Variants in RANBP17 observed in about 807,000 individuals in gnomAD.
The protein encoded by RANBP17 is RAN binding protein 17.
A neutral mutation model predicts 141.2 loss-of-function variants in RANBP17; 158 were observed. The observed-to-expected ratio is 1.12, with a 90% CI of 0.98 to 1.28. The LOEUF (loss-of-function observed/expected upper bound fraction) is 1.28, where lower values mean the gene tolerates loss of function less well. RANBP17 is among the 50% of genes most tolerant of loss of function. The pLI, the probability that RANBP17 is intolerant of heterozygous loss-of-function variation, is 0.00. For synonymous variants in RANBP17, 430 were observed against 450.0 expected, an observed-to-expected ratio of 0.96 and a Z score of 0.56; for missense variants, 1,438 against 1,290.7, an observed-to-expected ratio of 1.11 and a Z score of -1.75.
At chr5:171,103,649 G>GA (rs933092410) in intron 14 of RANBP17, among the ~76,000 whole-genome samples, 61 of 149,046 alleles carry the variant, frequency 4.1e-4, no homozygotes, top group Middle Eastern at 3.4e-3. Flanking sequence ...AGTGGGGTAT[G>GA]AAAAAAAAAA....
rs138213679 is a variant in RANBP17, at chr5:171,295,998, G to A, written c.3154G>A (p.Val1052Ile). 128 of 1,613,380 alleles carry A rather than the reference G, an allele frequency of 7.9e-5. 1 individual carries two copies. The highest frequency in any genetic ancestry group is 4.2e-4 in the Admixed American group (25 of 59,984). Residue 1052 changes from valine (V) to isoleucine (I), a missense_variant, in exon 27 of 28, where the codon GTC becomes ATC. Coordinates refer to ENST00000523189, the MANE Select transcript of RANBP17 (RefSeq NM_022897.5). ...LMEGVEQNLS[V>I]KNRDRFTQNL... ...GGAAGGAGTGGAGCAGAACCTGTCC[G>A]TCAAGAACAGAGACAGGTGAGCATT...
In RANBP17 at chr5:171,177,024, T is replaced by C. The variant is rs1461078555; in HGVS notation, c.1865+5738T>C. 2.6e-5 allele frequency among the ~76,000 whole-genome samples: 4 copies of C among 152,214 alleles called. No homozygotes were observed. In the South Asian group the frequency reaches 8.3e-4, roughly 31 times the overall value. On this transcript the variant is annotated intron_variant, in intron 16 of 27. Transcript: ENST00000523189. The stretch of plus-strand genomic sequence containing the variant: ...CTGCTTTTGTGAAACAGTATTAAAA[T>C]GCATTGCTTTATTTTACTGAATACC...
chr5:171,186,429 C>A (rs112558741), intron 18 of RANBP17, among the ~76,000 whole-genome samples: 1 of 151,340 alleles, frequency 6.6e-6, no homozygotes, highest in Admixed American at 6.6e-5. Flanking sequence ...AACTTTTCTT[C>A]TGCAACTTCC....
At chr5:171,183,252 A>C (rs1760987759) in intron 17 of RANBP17, 22 bp downstream of exon 17, 2 of 1,588,124 alleles carry the variant, frequency 1.3e-6, no homozygotes, top group Non-Finnish European at 1.7e-6. Context: ...TTCTTTAATT[A>C]ATGAATAACA....
Position 170,926,434 on chromosome 5 carries a change from T to C in RANBP17, c.1468+1884T>C, listed in dbSNP as rs141773577. ...TTAGTATTATTTCATGTTTATTGAT[T>C]GTTGTATCATCATCAGTGAAATGTA... On this transcript the variant is annotated intron_variant, in intron 12 of 27. Transcript: ENST00000523189. 5.0e-3 allele frequency among the ~76,000 whole-genome samples: 729 copies of C among 146,910 alleles called. 6 individuals are homozygous for C. The highest frequency in any genetic ancestry group is 0.017 in the African/African-American group (703 of 40,802).
At chr5:170,953,833 G>A (rs1775397867) in intron 13 of RANBP17, 131 bp downstream of exon 13, 2 of 611,092 alleles carry the variant, frequency 3.3e-6, no homozygotes, top group Non-Finnish European at 5.7e-6. Context: ...CTTTTTATTG[G>A]TGAGAAAACC....
intron 18 of RANBP17, 57 bp downstream of exon 18, chr5:171,183,487 T>C: frequency 8.4e-7 from 1 of 1,188,712 alleles, no homozygotes; most frequent in Admixed American, 1.8e-5. Context: ...CTTGTGTGAA[T>C]AAAGAAGTGG....
intron 25 of RANBP17, chr5:171,271,754 G>A (rs115977719): frequency 1.1e-4 from 23 of 214,882 alleles, no homozygotes; most frequent in Middle Eastern, 1.5e-3. Flanking sequence ...AGGAAGCCAG[G>A]GATATGTCAT....
At chr5:171,052,641 T>C (rs1783030195) in intron 14 of RANBP17, among the ~76,000 whole-genome samples, 1 of 152,204 alleles carries the variant, frequency 6.6e-6, no homozygotes, top group Non-Finnish European at 1.5e-5. Flanking sequence ...CAGTAAGTTG[T>C]AAAATCAGGA....
At chr5:171,078,891 T>C (rs953821390) in intron 14 of RANBP17, among the ~76,000 whole-genome samples, 1 of 152,238 alleles carries the variant, frequency 6.6e-6, no homozygotes, top group Non-Finnish European at 1.5e-5. Context: ...ACAACATCCA[T>C]TCTGCAGTTT....
Position 171,002,661 on chromosome 5 carries a change from A to G in RANBP17, c.1710+34284A>G, listed in dbSNP as rs1465012530. Among the ~76,000 whole-genome samples the G allele has an allele frequency of 2.0e-5, 3 of 152,250 alleles. No homozygotes were observed. The South Asian group carries it at 6.2e-4, about 32-fold the overall frequency. Reference sequence around the variant, plus strand: ...CAATGAGTTTGGCTTGCTGAGAGGTAGTGGAAGGGGGCAGAATGGTAGCCT... The same window carrying G: ...CAATGAGTTTGGCTTGCTGAGAGGTGGTGGAAGGGGGCAGAATGGTAGCCT... On this transcript the variant is annotated intron_variant, in intron 14 of 27. Transcript: ENST00000523189.
chr5:170,930,216 C>T lies in RANBP17; in HGVS notation c.1468+5666C>T, dbSNP rs573053883. On this transcript the variant is annotated intron_variant, in intron 12 of 27. Transcript: ENST00000523189. ...TTACTTTGGATGTTATTTGATATTC[C>T]TTTTCTAATTCTGGGTGCAGACTGC... Among the ~76,000 whole-genome samples, 11 of 151,144 alleles carry T rather than the reference C, an allele frequency of 7.3e-5. No individual in the cohort carries two copies. In the South Asian group the frequency reaches 2.3e-3, roughly 32 times the overall value.
chr5:171,111,501 A>G (rs1229030205), intron 14 of RANBP17, among the ~76,000 whole-genome samples: 3 of 152,062 alleles, frequency 2.0e-5, no homozygotes, highest in Non-Finnish European at 4.4e-5. Context: ...CCCTTCCCAG[A>G]CATCCTAGAC....
chr5:171,213,676 G>A lies in RANBP17; in HGVS notation c.2277G>A (p.Trp759Ter), dbSNP rs1211044124. 1 of 1,613,806 alleles carries A rather than the reference G, an allele frequency of 6.2e-7. No homozygotes were observed. The highest frequency in any genetic ancestry group is 1.1e-5 in the South Asian group (1 of 91,058). ...TTCTTCAGAATGCTGTTGAACGGTG[G>A]TATGGAGAGCCAACATGTACAACTC... ...LPLLQNAVER[W>*]YGEPTCTTPI... is the part of the protein sequence containing the mutation. The change falls in exon 21 of 28, where the codon TGG becomes TGA. Residue 759 changes from tryptophan to a stop codon, truncating the protein, a stop_gained. Coordinates refer to ENST00000523189, the MANE Select transcript of RANBP17 (RefSeq NM_022897.5). LOFTEE classifies it high-confidence loss of function.
chr5:171,169,019 C>T (rs1306794599), intron 14 of RANBP17, among the ~76,000 whole-genome samples: 1 of 152,072 alleles, frequency 6.6e-6, no homozygotes, highest in Non-Finnish European at 1.5e-5. Context: ...GGTTGAAAGC[C>T]TGGAACACAA....
chr5:171,048,086 T>C (rs187018535), intron 14 of RANBP17, among the ~76,000 whole-genome samples: 35 of 152,308 alleles, frequency 2.3e-4, no homozygotes, highest in African/African-American at 8.4e-4. Context: ...TTTTTTGTTT[T>C]TTAATTGAGA....
chr5:171,095,966 A>G, intron 14 of RANBP17, among the ~76,000 whole-genome samples: 1 of 152,136 alleles, frequency 6.6e-6, no homozygotes, highest in East Asian at 1.9e-4. Context: ...TATATTTACT[A>G]TTCATTTAGA....
intron 14 of RANBP17, among the ~76,000 whole-genome samples, chr5:171,144,969 G>A (rs1221969194): frequency 6.6e-6 from 1 of 152,160 alleles, no homozygotes; most frequent in Non-Finnish European, 1.5e-5. Context: ...CAGCCTGTTG[G>A]GAGAGAATTT....
chr5:170,896,876 C>G, intron 5 of RANBP17: 1 of 536,474 alleles, frequency 1.9e-6, no homozygotes, highest in Non-Finnish European at 3.4e-6. Flanking sequence ...GTTGCAGGCC[C>G]AATGCAGAGG....
Sources: allele counts gnomAD v4.1 joint callset (sites outside exome capture counted in the v4.1 genomes callset), GRCh38; gene constraint gnomAD v4.1.1; transcripts MANE v1.5; gene names NCBI Gene and HGNC (gene_info 2026-07-23, HGNC 2026-07-21).